The following ELMOD1 variants were observed in gnomAD, a reference collection of about 807,000 sequenced individuals.
ELMOD1 encodes ELMO domain containing 1.
ELMOD1 carries 21 observed loss-of-function variants against 46.7 expected under a neutral mutation model. The observed-to-expected ratio is 0.45, with a 90% CI of 0.32 to 0.65. The LOEUF (loss-of-function observed/expected upper bound fraction) is 0.65, where lower values mean the gene tolerates loss of function less well. Ranked by LOEUF, ELMOD1 falls within the 30% of genes least tolerant of loss-of-function variation. ELMOD1 has a pLI of 0.04. For missense variants in ELMOD1, 348 were observed against 407.8 expected (o/e 0.85, Z 1.26); for synonymous variants, 122 against 138.2 (o/e 0.88, Z 0.82).
rs1486014445 is a variant in ELMOD1 at position 107,654,937 on chromosome 11, G to A, written c.698+715G>A. Among the ~76,000 whole-genome samples the A allele has an allele frequency of 6.6e-5, 10 of 152,192 alleles. No individual in the cohort carries two copies. In the East Asian group the frequency reaches 1.9e-3, roughly 29 times the overall value. On this transcript the variant is annotated intron_variant, in intron 10 of 11. Transcript: ENST00000265840. ...TTTCTGTGCTGGATTTATATTAGCA[G>A]AGAGGATTTAAGAACTCAGGTTCCG...
In ELMOD1 at chr11:107,631,616, A is replaced by G. The variant is rs1444535264; in HGVS notation, c.229A>G (p.Ile77Val). ...TTCTGTGAGTGTTCACCCCGACGCT[A>G]TTGAAAAAACTATAGAAGATATCAT... Reference protein sequence around the residue: ...QTSVSVHPDAIEKTIEDIMEL... With the variant: ...QTSVSVHPDAVEKTIEDIMEL... The change falls in exon 5 of 12, where the codon ATT becomes GTT. Residue 77 changes from isoleucine to valine, a missense_variant. By Grantham distance (29) the Ile-to-Val change is conservative. Transcript: ENST00000265840. 2.6e-6 allele frequency: 4 copies of G among 1,566,794 alleles called. No individual in the cohort carries two copies. In the East Asian group the frequency reaches 7.0e-5, roughly 28 times the overall value.
At chr11:107,603,497 C>A (rs1041817496) in intron 1 of ELMOD1, among the ~76,000 whole-genome samples, 1 of 152,102 alleles carries the variant, frequency 6.6e-6, no homozygotes, top group Non-Finnish European at 1.5e-5. Context: ...CAAGATCATG[C>A]CACTGCACTC....
chr11:107,644,417 G>A (rs1190101402), intron 6 of ELMOD1, among the ~76,000 whole-genome samples: 3 of 152,022 alleles, frequency 2.0e-5, no homozygotes, highest in East Asian at 1.9e-4. Context: ...GAAATGAAGC[G>A]CCTGCTTTTG....
intron 6 of ELMOD1, among the ~76,000 whole-genome samples, chr11:107,644,122 T>G (rs1436540916): frequency 1.3e-5 from 2 of 151,332 alleles, no homozygotes; most frequent in Non-Finnish European, 2.9e-5. Flanking sequence ...AAAAATAAAA[T>G]AAAATAAAAT....
intron 1 of ELMOD1, among the ~76,000 whole-genome samples, chr11:107,604,498 G>C (rs190604550): frequency 2.0e-5 from 3 of 152,176 alleles, no homozygotes; most frequent in Non-Finnish European, 4.4e-5. Flanking sequence ...GAATTTGGAA[G>C]TAAGTAGGCT....
chr11:107,611,012 A>AAAAG (rs1865771214), intron 1 of ELMOD1, among the ~76,000 whole-genome samples: 3 of 150,982 alleles, frequency 2.0e-5, no homozygotes, highest in Non-Finnish European at 4.4e-5. Flanking sequence ...AAAAAAAAAA[A>AAAAG]AAAAAGAAAA....
chr11:107,655,573 C>CTTTTTTTTTTT (rs746890763), intron 10 of ELMOD1, among the ~76,000 whole-genome samples: 2,738 of 112,308 alleles, frequency 0.024, 255 homozygotes, highest in African/African-American at 0.08. Flanking sequence ...ATTGAAATGC[C>CTTTTTTTTTTT]TTTTTTTTTT....
At chr11:107,608,192 T>C (rs1036192343) in intron 1 of ELMOD1, among the ~76,000 whole-genome samples, 2 of 152,024 alleles carry the variant, frequency 1.3e-5, no homozygotes, top group Non-Finnish European at 2.9e-5. Context: ...CTCCTACTGG[T>C]GTTATGGCAT....
At chr11:107,650,302 T>C (rs1591133781) in intron 7 of ELMOD1, 33 bp from the exon 8 acceptor site, 4 of 1,494,858 alleles carry the variant, frequency 2.7e-6, no homozygotes, top group Non-Finnish European at 3.7e-6. Flanking sequence ...TAAGCAAGTA[T>C]AGAGTTACGG....
intron 1 of ELMOD1, among the ~76,000 whole-genome samples, chr11:107,617,342 G>A (rs1393601226): frequency 1.3e-5 from 2 of 152,160 alleles, no homozygotes; most frequent in Non-Finnish European, 2.9e-5. Context: ...TGCAGTGGAT[G>A]TTCCATTTCT....
intron 9 of ELMOD1, 100 bp downstream of exon 9, chr11:107,651,008 A>G: frequency 1.4e-6 from 1 of 696,750 alleles, no homozygotes; most frequent in South Asian, 2.9e-5. Context: ...TTTGTTTCAA[A>G]AAGCCAACAT....
chr11:107,663,625 T>C lies in ELMOD1; in HGVS notation c.833-1400T>C, dbSNP rs144205113. Among the ~76,000 whole-genome samples the C allele has an allele frequency of 8.5e-5, 13 of 152,260 alleles. 1 individual carries two copies. The East Asian group carries it at 2.5e-3, about 29-fold the overall frequency. On this transcript the variant is annotated intron_variant, in intron 11 of 11. Coordinates refer to ENST00000265840, the MANE Select transcript of ELMOD1 (RefSeq NM_018712.4). ...AGACAAGTAACCAGAGGGAAGGGTCTGTGGAAGTGGACCAGCAGCCGGCCA... is the reference window on the plus strand; with the variant it reads ...AGACAAGTAACCAGAGGGAAGGGTCCGTGGAAGTGGACCAGCAGCCGGCCA...
chr11:107,604,134 A>G (rs1165135814), intron 1 of ELMOD1, among the ~76,000 whole-genome samples: 1 of 152,198 alleles, frequency 6.6e-6, no homozygotes, highest in Non-Finnish European at 1.5e-5. Context: ...AGAAGTGCTA[A>G]TCACTCCAGA....
intron 6 of ELMOD1, among the ~76,000 whole-genome samples, chr11:107,641,475 T>A (rs1354094374): frequency 2.6e-5 from 4 of 152,224 alleles, no homozygotes; most frequent in African/African-American, 9.6e-5. Context: ...AGGTATAATC[T>A]GTAAGCAATT....
chr11:107,625,510 G>A, intron 2 of ELMOD1: 1 of 985,392 alleles, frequency 1.0e-6, no homozygotes, highest in Non-Finnish European at 1.2e-6. Flanking sequence ...AATTTAGGAT[G>A]ATGGCATAGT....
chr11:107,619,337 CAGG>C (rs1865910829), intron 2 of ELMOD1, among the ~76,000 whole-genome samples: 1 of 152,154 alleles, frequency 6.6e-6, no homozygotes, highest in Admixed American at 6.5e-5. Context: ...TTTGAAAAAT[CAGG>C]AGGACATTTG....
intron 5 of ELMOD1, among the ~76,000 whole-genome samples, chr11:107,633,648 G>A (rs1392747177): frequency 6.6e-6 from 1 of 152,054 alleles, no homozygotes; most frequent in African/African-American, 2.4e-5. Flanking sequence ...GGCCAGGCTG[G>A]TCTCAAACCC....
At chr11:107,643,226 G>T (rs571432666) in intron 6 of ELMOD1, 4 of 181,172 alleles carry the variant, frequency 2.2e-5, no homozygotes, top group African/African-American at 9.6e-5. Flanking sequence ...AATTAGCTGG[G>T]CATTGTGGCT....
At chr11:107,615,340 A>T (rs1253989116) in intron 1 of ELMOD1, among the ~76,000 whole-genome samples, 2 of 142,866 alleles carry the variant, frequency 1.4e-5, no homozygotes, top group East Asian at 2.2e-4. Flanking sequence ...GGTTCAAGCG[A>T]TTCTCCTGCC....
Sources: gnomAD v4.1 joint callset for allele counts (sites outside exome capture counted in the v4.1 genomes callset) on GRCh38, gnomAD v4.1.1 for gene constraint, MANE v1.5 for transcripts, NCBI Gene and HGNC (gene_info 2026-07-23, HGNC 2026-07-21) for gene names.